RASGRF2: variants seen among roughly 807,000 people sequenced by gnomAD.
The protein encoded by RASGRF2 is Ras protein specific guanine nucleotide releasing factor 2.
RASGRF2 carries 76 observed loss-of-function variants against 151.0 expected under a neutral mutation model. The observed-to-expected ratio is 0.50, with a 90% CI of 0.42 to 0.61. RASGRF2 has a LOEUF of 0.61. Among genes scored for constraint, RASGRF2 ranks in the 20% least tolerant of loss-of-function variants. RASGRF2 has a pLI of 0.00. For synonymous variants in RASGRF2, 504 were observed against 566.5 expected (o/e 0.89, Z 1.57); for missense variants, 1,148 against 1,564.6 (o/e 0.73, Z 4.49).
intron 19 of RASGRF2, among the ~76,000 whole-genome samples, chr5:81,206,249 CATGT>C (rs1755505178): frequency 6.6e-6 from 1 of 151,986 alleles, no homozygotes; most frequent in Admixed American, 6.6e-5. Context: ...AGCTGAATAA[CATGT>C]ATGAGATTCA....
intron 17 of RASGRF2, among the ~76,000 whole-genome samples, chr5:81,157,217 G>A (rs570231350): frequency 6.6e-5 from 10 of 151,744 alleles, no homozygotes; most frequent in Non-Finnish European, 1.3e-4. Context: ...AGCCAGGTGC[G>A]GTGGTGGGCG....
chr5:81,081,792 T>C (rs1189369727), intron 7 of RASGRF2, among the ~76,000 whole-genome samples: 1 of 152,212 alleles, frequency 6.6e-6, no homozygotes, highest in African/African-American at 2.4e-5. Flanking sequence ...GAAGTTGCCG[T>C]AGAAGTTTAG....
At chr5:80,969,343 T>C (rs776791557) in intron 1 of RASGRF2, among the ~76,000 whole-genome samples, 23 of 150,388 alleles carry the variant, frequency 1.5e-4, no homozygotes, top group South Asian at 6.3e-4. Flanking sequence ...ACCATGTTGG[T>C]CAGGCTGGTC....
chr5:81,022,387 G>A (rs1216201473), intron 1 of RASGRF2, among the ~76,000 whole-genome samples: 1 of 152,092 alleles, frequency 6.6e-6, no homozygotes, highest in African/African-American at 2.4e-5. Flanking sequence ...CTAACTGCTG[G>A]GACACCAATC....
At chr5:81,107,274 A>T (rs1752871882) in intron 12 of RASGRF2, among the ~76,000 whole-genome samples, 1 of 151,620 alleles carries the variant, frequency 6.6e-6, no homozygotes, top group Non-Finnish European at 1.5e-5. Context: ...AGGTAGGAGG[A>T]TCACTTGATC....
chr5:81,107,088 C>T (rs1021191720), intron 12 of RASGRF2, among the ~76,000 whole-genome samples: 7 of 151,178 alleles, frequency 4.6e-5, no homozygotes, highest in South Asian at 2.1e-4. Flanking sequence ...TGGCCAGGTG[C>T]AGTGGCTCGC....
chr5:81,081,419 G>T (rs1752082727), intron 7 of RASGRF2, among the ~76,000 whole-genome samples: 1 of 152,214 alleles, frequency 6.6e-6, no homozygotes, highest in Admixed American at 6.5e-5. Context: ...AACCCAAGGG[G>T]TCAAGAACAC....
intron 1 of RASGRF2, among the ~76,000 whole-genome samples, chr5:80,992,323 A>T (rs1478047236): frequency 6.6e-6 from 1 of 152,008 alleles, no homozygotes; most frequent in African/African-American, 2.4e-5. Flanking sequence ...GCAGGAGAAA[A>T]TTGTCTCCCC....
At chr5:81,174,853 A>C (rs75349843) in intron 17 of RASGRF2, among the ~76,000 whole-genome samples, 17,332 of 152,252 alleles carry the variant, frequency 0.11, 1,127 homozygotes, top group South Asian at 0.23. Context: ...CTGTCTATTT[A>C]ATAGTGGTGT....
At chr5:81,038,852 A>G (rs1312325350) in intron 1 of RASGRF2, among the ~76,000 whole-genome samples, 1 of 152,164 alleles carries the variant, frequency 6.6e-6, no homozygotes, top group Non-Finnish European at 1.5e-5. Context: ...CTGGGATTAC[A>G]AGCATGAGCC....
intron 2 of RASGRF2, among the ~76,000 whole-genome samples, chr5:81,066,146 CTAT>C (rs780817841): frequency 1.1e-4 from 16 of 152,096 alleles, no homozygotes; most frequent in Admixed American, 3.3e-4. Flanking sequence ...TTTTTATGCT[CTAT>C]TATTATTTTT....
intron 1 of RASGRF2, among the ~76,000 whole-genome samples, chr5:81,016,079 A>G (rs1356361728): frequency 6.6e-6 from 1 of 152,160 alleles, no homozygotes; most frequent in East Asian, 1.9e-4. Context: ...AGCTGACGAG[A>G]GTTGGCTATC....
chr5:81,156,234 A>G (rs372926334), intron 17 of RASGRF2, among the ~76,000 whole-genome samples: 36 of 152,326 alleles, frequency 2.4e-4, no homozygotes, highest in African/African-American at 7.9e-4. Flanking sequence ...ATGGGCTCAC[A>G]GGTCTTTTCT....
At chr5:80,967,194 G>C (rs1257405582) in intron 1 of RASGRF2, among the ~76,000 whole-genome samples, 1 of 152,130 alleles carries the variant, frequency 6.6e-6, no homozygotes, top group Non-Finnish European at 1.5e-5. Flanking sequence ...TTAGAGACCA[G>C]CCTGACCAAC....
chr5:81,134,121 T>G (rs535182301), intron 17 of RASGRF2, among the ~76,000 whole-genome samples: 3 of 146,298 alleles, frequency 2.1e-5, no homozygotes, highest in Middle Eastern at 7.4e-3. Context: ...AGTGAATATT[T>G]TACTGAGGTA....
chr5:81,134,386 T>C (rs1039573725), intron 17 of RASGRF2, among the ~76,000 whole-genome samples: 2 of 152,092 alleles, frequency 1.3e-5, no homozygotes, highest in African/African-American at 4.8e-5. Flanking sequence ...GACTGAGTCC[T>C]GTGTGCATCA....
chr5:81,139,143 A>C (rs1753823757), intron 17 of RASGRF2, among the ~76,000 whole-genome samples: 1 of 151,632 alleles, frequency 6.6e-6, no homozygotes, highest in African/African-American at 2.4e-5. Context: ...TAAGTATTTG[A>C]CTCTTTTTGG....
intron 17 of RASGRF2, among the ~76,000 whole-genome samples, chr5:81,166,713 T>C (rs1008757485): frequency 6.6e-6 from 1 of 152,070 alleles, no homozygotes; most frequent in Non-Finnish European, 1.5e-5. Context: ...TGGTATCAGA[T>C]GCATGGTGGG....
intron 18 of RASGRF2, among the ~76,000 whole-genome samples, chr5:81,200,702 G>A (rs746533215): frequency 6.6e-6 from 1 of 152,164 alleles, no homozygotes; most frequent in Non-Finnish European, 1.5e-5. Flanking sequence ...CCTTTCAATG[G>A]AATACAGGGA....
Sources: gnomAD v4.1 joint callset for allele counts (sites outside exome capture counted in the v4.1 genomes callset) on GRCh38, gnomAD v4.1.1 for gene constraint, MANE v1.5 for transcripts, NCBI Gene and HGNC (gene_info 2026-07-23, HGNC 2026-07-21) for gene names.